The following IL1RAPL2 variants were observed in gnomAD, a reference collection of about 807,000 sequenced individuals.
IL1RAPL2 encodes interleukin 1 receptor accessory protein like 2.
Under a neutral mutation model 44.1 loss-of-function variants are expected in IL1RAPL2, and 3 were observed. The ratio of observed to expected loss-of-function variants is 0.07; its 90% CI spans 0.03 to 0.18. The LOEUF (loss-of-function observed/expected upper bound fraction) is 0.18, where lower values mean the gene tolerates loss of function less well. Among genes scored for constraint, IL1RAPL2 ranks in the 10% least tolerant of loss-of-function variants. IL1RAPL2 has a pLI of 1.00. For missense variants in IL1RAPL2, 391 were observed against 496.4 expected, an observed-to-expected ratio of 0.79 and a Z score of 2.02; for synonymous variants, 181 against 178.8, an observed-to-expected ratio of 1.01 and a Z score of -0.10.
chrX:105,429,474 A>G (rs769216780), intron 5 of IL1RAPL2, among the ~76,000 whole-genome samples: 1 of 112,182 alleles, frequency 8.9e-6, no homozygotes, highest in East Asian at 2.8e-4. Context: ...GTCATGCTTG[A>G]TTAAATGCAG....
At chrX:105,739,595 G>C (rs1237701511) in intron 7 of IL1RAPL2, among the ~76,000 whole-genome samples, 1 of 101,140 alleles carries the variant, frequency 9.9e-6, no homozygotes, top group African/African-American at 3.6e-5. Flanking sequence ...GAGAATATGC[G>C]GTGTTTGGTT....
chrX:104,738,035 G>A (rs1002681921), intron 2 of IL1RAPL2, among the ~76,000 whole-genome samples: 1 of 112,033 alleles, frequency 8.9e-6, no homozygotes, highest in Non-Finnish European at 1.9e-5. Flanking sequence ...TCAGCATTCA[G>A]TCATTGTAAT....
chrX:105,395,578 G>A (rs1218589741), intron 5 of IL1RAPL2, among the ~76,000 whole-genome samples: 2 of 110,414 alleles, frequency 1.8e-5, no homozygotes, highest in Admixed American at 9.7e-5. Context: ...GTACAATATG[G>A]CTGGAACCTC....
Position 104,724,982 on chromosome X carries a change from C to T in IL1RAPL2, c.82+65987C>T, listed in dbSNP as rs7052842. Among the ~76,000 whole-genome samples the T allele has an allele frequency of 3.9e-3, 429 of 111,149 alleles. 7 individuals are homozygous for T. The highest frequency in any genetic ancestry group is 0.013 in the African/African-American group (400 of 30,610). On this transcript the variant is annotated intron_variant, in intron 2 of 10. Transcript: ENST00000372582. ...ACACGTGCCATGGTGGTTTGCTGCA[C>T]CCATCAACTCGTCAACTACATTAGG...
intron 2 of IL1RAPL2, among the ~76,000 whole-genome samples, chrX:104,686,668 C>T (rs888212848): frequency 9.0e-6 from 1 of 111,675 alleles, no homozygotes; most frequent in African/African-American, 3.3e-5. Flanking sequence ...AAGTTTTCCC[C>T]AACACTTTAT....
intron 5 of IL1RAPL2, 51 bp from the exon 6 acceptor site, chrX:105,484,262 C>A: frequency 1.1e-6 from 1 of 878,959 alleles, no homozygotes; most frequent in Non-Finnish European, 1.7e-6. Context: ...TCTTTCTCAT[C>A]CTGTAATTTA....
intron 1 of IL1RAPL2, among the ~76,000 whole-genome samples, chrX:104,600,991 T>A (rs1447382314): frequency 8.9e-6 from 1 of 111,854 alleles, no homozygotes; most frequent in Non-Finnish European, 1.9e-5. Flanking sequence ...AATTCATGTG[T>A]CTTTTTGGTA....
At chrX:104,898,234 C>T (rs1923710570) in intron 2 of IL1RAPL2, among the ~76,000 whole-genome samples, 1 of 111,293 alleles carries the variant, frequency 9.0e-6, no homozygotes, top group East Asian at 2.8e-4. Context: ...GTCGGTAAAA[C>T]AATAGTGGGA....
rs1199959869 is a variant in IL1RAPL2, at chrX:105,767,289, G to A, written c.1689G>A (p.Met563Ile). 2.5e-6 allele frequency: 3 copies of A among 1,211,153 alleles called. No homozygotes were observed. Among genetic ancestry groups the A allele is most frequent in the Non-Finnish European group, 3.4e-6 (3 of 895,048 alleles). ...VYEMPIKKKE[M>I]LPRCHVLDSA... ...AAATGCCCATCAAGAAAAAAGAAAT[G>A]CTACCTCGGTGCCATGTTCTGGACT... Residue 563 changes from methionine to isoleucine, a missense_variant, in exon 11 of 11, where the codon ATG becomes ATA. By Grantham distance (10) the Met-to-Ile change is conservative. Around this residue, in one of 2 missense-constraint regions of IL1RAPL2, gnomAD observed 232 missense variants for 244.8 expected, o/e 0.95. Coordinates refer to ENST00000372582, the MANE Select transcript of IL1RAPL2 (RefSeq NM_017416.2).
chrX:105,498,073 A>T (rs2036367965), intron 6 of IL1RAPL2, among the ~76,000 whole-genome samples: 1 of 112,014 alleles, frequency 8.9e-6, no homozygotes, highest in Admixed American at 9.5e-5. Context: ...GGCAAGAAAA[A>T]GAAAAAAAGG....
intron 2 of IL1RAPL2, among the ~76,000 whole-genome samples, chrX:104,889,702 T>C (rs1270382154): frequency 1.8e-5 from 2 of 111,810 alleles, no homozygotes; most frequent in Non-Finnish European, 1.9e-5. Context: ...GAATAGCCAG[T>C]TTATCTACTT....
At chrX:105,603,468 A>C (rs1399194130) in intron 6 of IL1RAPL2, among the ~76,000 whole-genome samples, 3 of 111,883 alleles carry the variant, frequency 2.7e-5, no homozygotes, top group African/African-American at 9.7e-5. Flanking sequence ...AAAAGGATCA[A>C]TTCAGCAAGA....
At chrX:104,938,394 A>G (rs1358716618) in intron 2 of IL1RAPL2, among the ~76,000 whole-genome samples, 2 of 111,668 alleles carry the variant, frequency 1.8e-5, no homozygotes, top group Non-Finnish European at 3.8e-5. Context: ...TGAAATTTGG[A>G]ATATTCTAAT....
At chrX:104,647,708 G>T in intron 1 of IL1RAPL2, 1 of 546,893 alleles carries the variant, frequency 1.8e-6, no homozygotes. Context: ...GCTAGCGACA[G>T]GCCAGGAGAG....
chrX:105,061,883 G>A (rs2032078838), intron 2 of IL1RAPL2, among the ~76,000 whole-genome samples: 1 of 111,820 alleles, frequency 8.9e-6, no homozygotes, highest in African/African-American at 3.2e-5. Flanking sequence ...TCATTGGCAT[G>A]GAATATCTTT....
At chrX:104,903,405 G>C (rs112328380) in intron 2 of IL1RAPL2, among the ~76,000 whole-genome samples, 12,664 of 109,065 alleles carry the variant, frequency 0.12, 756 homozygotes, top group Non-Finnish European at 0.17. Flanking sequence ...GCTTTCAATA[G>C]AGATTCACCC....
chrX:105,182,171 A>C (rs1193377715), intron 2 of IL1RAPL2, among the ~76,000 whole-genome samples: 4 of 111,531 alleles, frequency 3.6e-5, no homozygotes, highest in African/African-American at 6.5e-5. Flanking sequence ...TCCTATTTCA[A>C]TCCAATATTT....
chrX:104,982,989 C>A (rs749523556), intron 2 of IL1RAPL2, among the ~76,000 whole-genome samples: 1 of 110,868 alleles, frequency 9.0e-6, no homozygotes, highest in African/African-American at 3.3e-5. Context: ...TCATCTCTAC[C>A]CTCCATGTTT....
intron 2 of IL1RAPL2, among the ~76,000 whole-genome samples, chrX:104,673,881 A>G (rs1569294449): frequency 1.8e-5 from 2 of 109,748 alleles, no homozygotes; most frequent in Non-Finnish European, 3.8e-5. Context: ...GAGTTCACTC[A>G]TGATTTGGCT....
Sources: gnomAD v4.1 joint callset for allele counts (sites outside exome capture counted in the v4.1 genomes callset) on GRCh38, gnomAD v4.1.1 for gene constraint, gnomAD v4.1.1 regional missense constraint, MANE v1.5 for transcripts, NCBI Gene and HGNC (gene_info 2026-07-23, HGNC 2026-07-21) for gene names.